Variants in SLC28A2 observed in about 807,000 individuals in gnomAD.
The protein encoded by SLC28A2 is sodium/nucleoside cotransporter 2.
SLC28A2 carries 69 observed loss-of-function variants against 72.9 expected under a neutral mutation model. That is an observed-to-expected ratio of 0.95 (90% CI 0.78 to 1.16). The LOEUF (loss-of-function observed/expected upper bound fraction) is 1.16. SLC28A2 is among the 50% of genes most tolerant of loss of function. The probability of loss-of-function intolerance (pLI) is 0.00; values close to 1 mark genes in which losing one functional copy is unlikely to be tolerated. For missense variants in SLC28A2, 745 were observed against 791.1 expected (o/e 0.94, Z 0.70); for synonymous variants, 296 against 294.1 (o/e 1.01, Z -0.07).
At chr15:45,269,908 T>G (rs1035739501) in intron 14 of SLC28A2, among the ~76,000 whole-genome samples, 15 of 152,222 alleles carry the variant, frequency 9.9e-5, no homozygotes, top group African/African-American at 3.4e-4. Flanking sequence ...TCTTTTTCTT[T>G]CCCTTTGCCT....
intron 2 of SLC28A2, 28 bp from the exon 3 acceptor site, chr15:45,253,404 C>A: frequency 6.3e-7 from 1 of 1,595,644 alleles, no homozygotes; most frequent in Non-Finnish European, 8.6e-7. Flanking sequence ...GGCTCCATGA[C>A]TGATCCCAAT....
chr15:45,262,772 C>G (rs778941549), intron 4 of SLC28A2, among the ~76,000 whole-genome samples: 6 of 152,052 alleles, frequency 3.9e-5, no homozygotes, highest in Non-Finnish European at 7.4e-5. Context: ...CTCCAAGGGA[C>G]AGAGAGAGGA....
chr15:45,258,927 T>A (rs1189315631), intron 3 of SLC28A2, among the ~76,000 whole-genome samples: 1 of 152,216 alleles, frequency 6.6e-6, no homozygotes, highest in East Asian at 1.9e-4. Context: ...GCTAAACATA[T>A]TTTTAGCAAA....
At chr15:45,274,619 C>T (rs1227313909) in intron 17 of SLC28A2, among the ~76,000 whole-genome samples, 4 of 152,158 alleles carry the variant, frequency 2.6e-5, no homozygotes, top group African/African-American at 9.7e-5. Context: ...TGAATGTTGC[C>T]CCTCCTGTGT....
At chr15:45,272,444 G>A (rs537459423) in intron 16 of SLC28A2, 51 bp downstream of exon 16, 1 of 1,399,670 alleles carries the variant, frequency 7.1e-7, no homozygotes, top group South Asian at 1.2e-5. Context: ...GTGATGGTTG[G>A]AGGAATAATA....
rs759072136 is a variant in SLC28A2 at position 45,275,501 on chromosome 15, C to T, written c.1965C>T (p.Thr655=). 8 of 1,586,402 alleles carry T rather than the reference C, an allele frequency of 5.0e-6. No individual in the cohort carries two copies. Among genetic ancestry groups the T allele is most frequent in the South Asian group, 4.4e-5 (4 of 90,424 alleles). The change falls in exon 18 of 18, where the codon ACC becomes ACT. Residue 655 remains threonine (T), a synonymous_variant. Coordinates refer to ENST00000347644, the MANE Select transcript of SLC28A2 (RefSeq NM_004212.4). ...LTNCCGFYNN[T]VCA ...ACTGCTGTGGATTCTACAACAATAC[C>T]GTCTGTGCCTAAGGCTGCTTGATCT...
In SLC28A2 at chr15:45,265,670, C is replaced by G. The variant is rs544800389; in HGVS notation, c.861+7C>G. ...GCAATGGGTAGTTCAGAAGGTGAGT[C>G]GTTCTCTTACACCAGTCAGGAGACA... is the stretch of plus-strand genomic sequence containing the variant. On this transcript the variant is annotated splice_region_variant and intron_variant, in intron 9 of 17. Transcript: ENST00000347644. 1.3e-6 allele frequency: 2 copies of G among 1,587,702 alleles called. No homozygotes were observed. Among genetic ancestry groups the G allele is most frequent in the East Asian group, 2.2e-5 (1 of 44,742 alleles).
intron 15 of SLC28A2, 62 bp from the exon 16 acceptor site, chr15:45,272,233 T>G (rs372043327): frequency 7.5e-6 from 10 of 1,339,700 alleles, no homozygotes; most frequent in Non-Finnish European, 8.5e-6. Flanking sequence ...TGGGGGCCCA[T>G]GGGATATACC....
chr15:45,270,089 C>G lies in SLC28A2; in HGVS notation c.1567-106C>G. The stretch of plus-strand genomic sequence containing the variant: ...CATCCTTTCATGTTCCTTGGGAAAC[C>G]ATGGAAAAGACTGGGGGCTGTCAGT... On this transcript the variant is annotated intron_variant, in intron 14 of 17. Coordinates refer to ENST00000347644, the MANE Select transcript of SLC28A2 (RefSeq NM_004212.4). 3 of 755,400 alleles carry G rather than the reference C, an allele frequency of 4.0e-6. No homozygotes were observed. The South Asian group carries it at 4.6e-5, about 12-fold the overall frequency. The allele number at this position is 755,400 out of a possible 1,614,324, so 46.8% of individuals were successfully genotyped here.
At chr15:45,264,274 C>T (rs1270933080) in intron 6 of SLC28A2, among the ~76,000 whole-genome samples, 2 of 151,500 alleles carry the variant, frequency 1.3e-5, no homozygotes, top group Non-Finnish European at 2.9e-5. Context: ...CGAATCTAGG[C>T]CAGTGTTAAA....
At chr15:45,261,959 A>G in intron 3 of SLC28A2, 56 bp from the exon 4 acceptor site, 1 of 1,074,374 alleles carries the variant, frequency 9.3e-7, no homozygotes, top group Non-Finnish European at 1.5e-6. Flanking sequence ...TGAGAGTTGA[A>G]TTAATAGAAA....
Position 45,274,557 on chromosome 15 carries a change from A to C in SLC28A2, c.1860-839A>C, listed in dbSNP as rs546956996. Reference sequence around the variant, plus strand: ...AGTTATTAAGTGGTCTGTTCACTACATAGCTAGATATTCAGGTGCTGGCTG... The same window carrying C: ...AGTTATTAAGTGGTCTGTTCACTACCTAGCTAGATATTCAGGTGCTGGCTG... On this transcript the variant is annotated intron_variant, in intron 17 of 17. Transcript: ENST00000347644. Among the ~76,000 whole-genome samples, 3 of 152,302 alleles carry C rather than the reference A, an allele frequency of 2.0e-5. No homozygotes were observed. The East Asian group carries it at 5.8e-4, about 29-fold the overall frequency.
chr15:45,275,590 G>A lies in SLC28A2; in HGVS notation c.*77G>A, dbSNP rs917886208. On this transcript the variant is annotated 3_prime_UTR_variant, in exon 18 of 18. Coordinates refer to ENST00000347644, the MANE Select transcript of SLC28A2 (RefSeq NM_004212.4). ...GCAAAGGTGTTTATGTACTCAGGGT[G>A]CCCACAACTCACTCACCAAGATGTT... 2.3e-5 allele frequency: 19 copies of A among 842,302 alleles called. No individual in the cohort carries two copies. The highest frequency in any genetic ancestry group is 1.5e-4 in the Admixed American group (7 of 48,152). 52.2% of individuals were successfully genotyped at this position (842,302 alleles called of 1,614,324 possible).
chr15:45,268,281 C>T lies in SLC28A2; in HGVS notation c.1271C>T (p.Ala424Val), dbSNP rs777663104. 1.9e-6 allele frequency: 3 copies of T among 1,612,712 alleles called. No individual in the cohort carries two copies. The highest frequency in any genetic ancestry group is 2.2e-5 in the East Asian group (1 of 44,858). The change falls in exon 13 of 18, where the codon GCA (alanine) becomes GTA (valine). Residue 424 changes from alanine (A) to valine (V), a missense_variant. By Grantham distance (64) the Ala-to-Val change is moderately conservative (BLOSUM62 0). Coordinates refer to ENST00000347644, the MANE Select transcript of SLC28A2 (RefSeq NM_004212.4). Reference sequence around the variant, plus strand: ...GCCATAGGCCTTGCTACTAATGTAGCAGCCAACCTGATTGCCTTTTTGGCT... The same window carrying T: ...GCCATAGGCCTTGCTACTAATGTAGTAGCCAACCTGATTGCCTTTTTGGCT... ...VDAIGLATNV[A>V]ANLIAFLAVL... is the part of the protein sequence containing the mutation.
intron 3 of SLC28A2, among the ~76,000 whole-genome samples, chr15:45,258,373 G>A (rs1900039548): frequency 6.6e-6 from 1 of 151,824 alleles, no homozygotes; most frequent in Non-Finnish European, 1.5e-5. Context: ...CATGCATACA[G>A]AAAAATAAAC....
intron 12 of SLC28A2, 137 bp from the exon 13 acceptor site, chr15:45,268,073 C>A: frequency 1.2e-6 from 1 of 809,622 alleles, no homozygotes; most frequent in East Asian, 2.6e-5. Context: ...CTAATAGGGT[C>A]ACTGAGGAAC....
chr15:45,253,720 A>G, intron 3 of SLC28A2, 200 bp downstream of exon 3: 1 of 455,538 alleles, frequency 2.2e-6, no homozygotes, highest in South Asian at 4.2e-5. Flanking sequence ...TGTTGGTTGG[A>G]CTGAAAATAA....
chr15:45,255,435 A>T (rs1304916023), intron 3 of SLC28A2: 4 of 152,066 alleles, frequency 2.6e-5, no homozygotes, highest in Admixed American at 2.6e-4. Flanking sequence ...CAATTATTAA[A>T]CTCTACCATT....
Position 45,268,377 on chromosome 15 carries a change from A to G in SLC28A2, c.1367A>G (p.Gln456Arg). Reference protein sequence around the residue: ...ELVDIQGLTFQVICSYLLRPM... With the variant: ...ELVDIQGLTFRVICSYLLRPM... ...GTGGACATACAGGGGCTCACTTTCC[A>G]GGTAAAGGATTACATTTGTTGGGCT... is the stretch of plus-strand genomic sequence containing the variant. Residue 456 changes from glutamine (Q) to arginine (R), a missense_variant and splice_region_variant, in exon 13 of 18, where the codon CAG becomes CGG. Physicochemically the swap from Gln to Arg is conservative, Grantham distance 43. Coordinates refer to ENST00000347644, the MANE Select transcript of SLC28A2 (RefSeq NM_004212.4). 1.3e-6 allele frequency: 2 copies of G among 1,583,828 alleles called. No individual in the cohort carries two copies. Among genetic ancestry groups the G allele is most frequent in the Non-Finnish European group, 1.7e-6 (2 of 1,156,426 alleles).
Sources: gnomAD v4.1 joint callset for allele counts (sites outside exome capture counted in the v4.1 genomes callset) on GRCh38, gnomAD v4.1.1 for gene constraint, MANE v1.5 for transcripts, NCBI Gene and HGNC (gene_info 2026-07-23, HGNC 2026-07-21) for gene names.